Variants in RNLS observed in about 807,000 individuals in gnomAD.
The protein encoded by RNLS is renalase.
A neutral mutation model predicts 39.8 loss-of-function variants in RNLS; 39 were observed. The observed-to-expected ratio is 0.98, with a 90% CI of 0.76 to 1.28. The LOEUF (loss-of-function observed/expected upper bound fraction) is 1.28, where lower values mean the gene tolerates loss of function less well. RNLS is among the 50% of genes most tolerant of loss of function. The pLI is 0.00. For synonymous variants in RNLS, 147 were observed against 150.7 expected (o/e 0.98, Z 0.18); for missense variants, 410 against 413.3 (o/e 0.99, Z 0.07).
At chr10:88,455,926 T>G (rs750372161) in intron 4 of RNLS, among the ~76,000 whole-genome samples, 3 of 152,182 alleles carry the variant, frequency 2.0e-5, no homozygotes, top group Non-Finnish European at 4.4e-5. Flanking sequence ...TCTACCTCCA[T>G]TAAAAGCCTC....
At chr10:88,187,034 A>C in the RNLS span, among the ~76,000 whole-genome samples, 1 of 151,178 alleles carries the variant, frequency 6.6e-6, no homozygotes, top group Non-Finnish European at 1.5e-5. Context: ...CAACTGCCTA[A>C]TCCGGGTGTT....
chr10:88,583,164 G>T lies in RNLS; in HGVS notation c.27C>A (p.Ala9=), dbSNP rs771349744. 1.2e-6 allele frequency: 2 copies of T among 1,614,014 alleles called. No individual in the cohort carries two copies. ...CAGCGCACAAGCTTCCTGTCATCCC[G>T]GCGCCCACGATCAGCACCTGCGCCA... MAQVLIVG[A]GMTGSLCAAL... Residue 9 remains alanine, a synonymous_variant, in exon 1 of 7, where the codon GCC becomes GCA. Transcript: ENST00000331772.
At chr10:88,182,681 A>ATGTG in the RNLS span, among the ~76,000 whole-genome samples, 4 of 150,370 alleles carry the variant, frequency 2.7e-5, no homozygotes, top group East Asian at 1.9e-4. Context: ...GTATTTGTGT[A>ATGTG]TGTGTGTGTG....
At chr10:88,359,314 A>T (rs777946485) in intron 5 of RNLS, among the ~76,000 whole-genome samples, 2 of 4,654 alleles carry the variant, frequency 4.3e-4, no homozygotes, top group African/African-American at 1.5e-3. Context: ...AAACTACATT[A>T]AAAAAAAAAA....
At chr10:88,352,987 T>C (rs1367376011) in intron 5 of RNLS, among the ~76,000 whole-genome samples, 2 of 152,242 alleles carry the variant, frequency 1.3e-5, no homozygotes, top group African/African-American at 4.8e-5. Flanking sequence ...TTTATTTGCG[T>C]AGAGGTGTTT....
the RNLS span, among the ~76,000 whole-genome samples, chr10:88,181,724 T>C: frequency 6.6e-6 from 1 of 152,192 alleles, no homozygotes; most frequent in Non-Finnish European, 1.5e-5. Context: ...CATCATTTCC[T>C]GATTGGGAGT....
At chr10:88,568,332 T>C (rs1432582380) in intron 4 of RNLS, among the ~76,000 whole-genome samples, 2 of 151,618 alleles carry the variant, frequency 1.3e-5, no homozygotes, top group Admixed American at 1.3e-4. Context: ...GGGATGGGGG[T>C]GATAGCTAAA....
intron 6 of RNLS, among the ~76,000 whole-genome samples, chr10:88,295,628 T>C (rs946023299): frequency 4.6e-5 from 7 of 152,166 alleles, no homozygotes; most frequent in African/African-American, 1.7e-4. Context: ...ATACCTTAGG[T>C]GTGAAGAAAG....
chr10:88,517,678 TAAAGA>T (rs1414485618), intron 4 of RNLS, among the ~76,000 whole-genome samples: 1 of 151,884 alleles, frequency 6.6e-6, no homozygotes, highest in Non-Finnish European at 1.5e-5. Flanking sequence ...ACTATTCAGT[TAAAGA>T]AATTTCTTCG....
chr10:88,539,988 A>C (rs1460393693), intron 4 of RNLS, among the ~76,000 whole-genome samples: 2 of 152,108 alleles, frequency 1.3e-5, no homozygotes, highest in Non-Finnish European at 2.9e-5. Flanking sequence ...TACCACCTTC[A>C]CCAAAATAAT....
intron 5 of RNLS, among the ~76,000 whole-genome samples, chr10:88,350,480 T>C (rs1363286628): frequency 1.3e-5 from 2 of 151,862 alleles, no homozygotes; most frequent in Admixed American, 6.6e-5. Context: ...GAACATGCGG[T>C]GTTTGGTTTT....
chr10:88,473,317 T>A (rs1843649643), intron 4 of RNLS, among the ~76,000 whole-genome samples: 1 of 152,198 alleles, frequency 6.6e-6, no homozygotes, highest in African/African-American at 2.4e-5. Flanking sequence ...AAAGATCCTT[T>A]TTTTCCTACC....
chr10:88,507,696 G>A (rs1225921390), intron 4 of RNLS, among the ~76,000 whole-genome samples: 1 of 152,102 alleles, frequency 6.6e-6, no homozygotes, highest in Non-Finnish European at 1.5e-5. Context: ...ATAATTTGAT[G>A]TACTGATAGT....
intron 5 of RNLS, among the ~76,000 whole-genome samples, chr10:88,341,846 T>A (rs7091137): frequency 0.3 from 44,916 of 151,962 alleles, 8,645 homozygotes; most frequent in African/African-American, 0.54. Flanking sequence ...TACTAATCTG[T>A]GAGGTTTATA....
At chr10:88,515,115 C>T (rs1846342109) in intron 4 of RNLS, among the ~76,000 whole-genome samples, 1 of 151,896 alleles carries the variant, frequency 6.6e-6, no homozygotes, top group Admixed American at 6.6e-5. Flanking sequence ...TCTTACTGGC[C>T]TTTTCACACT....
chr10:88,271,559 A>T (rs1471607513), downstream of RNLS, among the ~76,000 whole-genome samples: 2 of 152,176 alleles, frequency 1.3e-5, no homozygotes, highest in African/African-American at 4.8e-5. Flanking sequence ...CCGTGACAGC[A>T]AACAAGTAAA....
At chr10:88,452,210 G>A (rs1842396426) in intron 4 of RNLS, among the ~76,000 whole-genome samples, 1 of 152,172 alleles carries the variant, frequency 6.6e-6, no homozygotes, top group Non-Finnish European at 1.5e-5. Flanking sequence ...TCTGTAAAAT[G>A]TGGGTAAGAG....
chr10:88,328,742 T>C (rs1199278341), intron 5 of RNLS, among the ~76,000 whole-genome samples: 1 of 152,168 alleles, frequency 6.6e-6, no homozygotes, highest in Non-Finnish European at 1.5e-5. Context: ...ATGCTTTTAT[T>C]GTTCAGGATT....
At chr10:88,440,512 T>C (rs559667520) in intron 4 of RNLS, among the ~76,000 whole-genome samples, 10 of 152,378 alleles carry the variant, frequency 6.6e-5, no homozygotes, top group Non-Finnish European at 1.2e-4. Context: ...GAAGCCCCCA[T>C]GGAGGAAAGA....
Sources: gnomAD v4.1 joint callset for allele counts (sites outside exome capture counted in the v4.1 genomes callset) on GRCh38, gnomAD v4.1.1 for gene constraint, MANE v1.5 for transcripts, NCBI Gene and HGNC (gene_info 2026-07-23, HGNC 2026-07-21) for gene names.